The following ADAMTSL1 variants were observed in gnomAD, a reference collection of about 807,000 sequenced individuals.
The protein encoded by ADAMTSL1 is ADAMTS-like protein 1.
ADAMTSL1 carries 126 observed loss-of-function variants against 201.8 expected under a neutral mutation model. That is an observed-to-expected ratio of 0.62 (90% CI 0.54 to 0.72). ADAMTSL1 has a LOEUF of 0.72. Ranked by LOEUF, ADAMTSL1 falls within the 30% of genes least tolerant of loss-of-function variation. The pLI is 0.00. For missense variants in ADAMTSL1, 2,679 were observed against 2,277.8 expected (o/e 1.18, Z -3.59); for synonymous variants, 1,121 against 903.4 (o/e 1.24, Z -4.32).
chr9:18,893,353 G>T (rs537664973), intron 26 of ADAMTSL1, among the ~76,000 whole-genome samples: 1 of 152,210 alleles, frequency 6.6e-6, no homozygotes, highest in African/African-American at 2.4e-5. Context: ...ACTCAAGGAG[G>T]GACGTATGGT....
At chr9:18,055,738 T>C (rs1464410216) in intron 1 of ADAMTSL1, among the ~76,000 whole-genome samples, 1 of 152,228 alleles carries the variant, frequency 6.6e-6, no homozygotes, top group Non-Finnish European at 1.5e-5. Context: ...CAGTTTAGGA[T>C]ATTTATGATA....
At chr9:18,131,952 G>A (rs748656128) in intron 1 of ADAMTSL1, among the ~76,000 whole-genome samples, 8 of 152,140 alleles carry the variant, frequency 5.3e-5, no homozygotes, top group Non-Finnish European at 8.8e-5. Context: ...CAGGAAGAAA[G>A]TGAAATACTT....
chr9:18,203,082 C>A (rs1563805272), intron 2 of ADAMTSL1, among the ~76,000 whole-genome samples: 1 of 152,062 alleles, frequency 6.6e-6, no homozygotes, highest in Non-Finnish European at 1.5e-5. Context: ...CAGGTTATAC[C>A]CAAGTTCAGA....
At chr9:18,289,176 C>T (rs200308319) in intron 2 of ADAMTSL1, among the ~76,000 whole-genome samples, 73 of 43,204 alleles carry the variant, frequency 1.7e-3, no homozygotes, top group African/African-American at 4.0e-3. Context: ...TATCTATCTA[C>T]CTACCTATCT....
rs540724792 is a variant in ADAMTSL1, at chr9:18,304,391, G to A, written c.207+140410G>A. On this transcript the variant is annotated intron_variant, in intron 2 of 29. Transcript: ENST00000680146. ...AAAACCTTGTGAGCTCCTGGGTGTC[G>A]GAAATGTTTATTTTAATTCCACTGT... 2.1e-4 allele frequency among the ~76,000 whole-genome samples: 32 copies of A among 151,786 alleles called. 1 individual carries two copies. Among genetic ancestry groups the A allele is most frequent in the Non-Finnish European group, 3.8e-4 (26 of 67,968 alleles).
Position 17,985,021 on chromosome 9 carries a change from A to C in ADAMTSL1, c.87+78099A>C, listed in dbSNP as rs372912319. Among the ~76,000 whole-genome samples, 498 of 152,274 alleles carry C rather than the reference A, an allele frequency of 3.3e-3. 3 individuals carry two copies. Among genetic ancestry groups the C allele is most frequent in the Non-Finnish European group, 2.9e-3 (198 of 67,978 alleles). ...AGCAGAATAGTGCCTAACATGTAGG[A>C]AGACCTCTGTAGGTAATTGTTTTCT... On this transcript the variant is annotated intron_variant, in intron 1 of 29. Transcript: ENST00000680146.
intron 3 of ADAMTSL1, among the ~76,000 whole-genome samples, chr9:18,559,693 G>T (rs960137977): frequency 7.9e-5 from 12 of 152,116 alleles, no homozygotes; most frequent in African/African-American, 2.9e-4. Context: ...TTGAGCAGTG[G>T]TTTGTAGTTC....
At chr9:18,013,527 A>G (rs1264617470) in intron 1 of ADAMTSL1, among the ~76,000 whole-genome samples, 1 of 152,078 alleles carries the variant, frequency 6.6e-6, no homozygotes, top group Non-Finnish European at 1.5e-5. Flanking sequence ...TAAATAGCCA[A>G]TTCAAAAACC....
intron 2 of ADAMTSL1, among the ~76,000 whole-genome samples, chr9:18,338,303 A>G (rs976350569): frequency 4.6e-5 from 7 of 152,066 alleles, no homozygotes; most frequent in Non-Finnish European, 8.8e-5. Context: ...AATTTCCCAC[A>G]TGAGCATCCA....
At chr9:18,806,949 G>A (rs1422980392) in intron 20 of ADAMTSL1, among the ~76,000 whole-genome samples, 7 of 124,914 alleles carry the variant, frequency 5.6e-5, no homozygotes, top group Admixed American at 3.0e-4. Flanking sequence ...AGCTGCCCTC[G>A]TTTACTGTGA....
At chr9:18,890,727 C>CG (rs1002317315) in intron 25 of ADAMTSL1, 5 of 362,470 alleles carry the variant, frequency 1.4e-5, no homozygotes, top group African/African-American at 8.5e-5. Context: ...TCAAACCCCC[C>CG]CCACCCCAGC....
chr9:18,063,429 G>A (rs2131706652), intron 1 of ADAMTSL1, among the ~76,000 whole-genome samples: 1 of 152,304 alleles, frequency 6.6e-6, no homozygotes, highest in East Asian at 1.9e-4. Context: ...AAACCAAGAG[G>A]AAAATACTGT....
At chr9:18,477,591 T>C (rs1821516450) in intron 1 of ADAMTSL1, among the ~76,000 whole-genome samples, 1 of 152,252 alleles carries the variant, frequency 6.6e-6, no homozygotes, top group Non-Finnish European at 1.5e-5. Flanking sequence ...TTCATGTGCA[T>C]GCACAAGCAC....
intron 1 of ADAMTSL1, among the ~76,000 whole-genome samples, chr9:18,159,669 A>T (rs1827303210): frequency 6.6e-6 from 1 of 152,004 alleles, no homozygotes; most frequent in Non-Finnish European, 1.5e-5. Context: ...GAAGTAGGAA[A>T]ATTGGAGGGG....
chr9:18,295,766 G>GA (rs1259823185), intron 2 of ADAMTSL1, among the ~76,000 whole-genome samples: 1 of 152,070 alleles, frequency 6.6e-6, no homozygotes, highest in Non-Finnish European at 1.5e-5. Flanking sequence ...CTCCAAGCAT[G>GA]GATTGACCTT....
intron 2 of ADAMTSL1, among the ~76,000 whole-genome samples, chr9:18,164,746 A>T (rs529459239): frequency 6.6e-6 from 1 of 151,914 alleles, no homozygotes; most frequent in East Asian, 2.0e-4. Flanking sequence ...AACATCTTAG[A>T]ATACCCCCAA....
chr9:18,652,643 T>C (rs1828367316), intron 7 of ADAMTSL1, among the ~76,000 whole-genome samples: 3 of 152,232 alleles, frequency 2.0e-5, no homozygotes, highest in Admixed American at 6.5e-5. Context: ...TAGATGATTT[T>C]GCCCAATTGT....
At chr9:17,956,655 T>C (rs140719882) in intron 1 of ADAMTSL1, among the ~76,000 whole-genome samples, 1 of 152,304 alleles carries the variant, frequency 6.6e-6, no homozygotes, top group Non-Finnish European at 1.5e-5. Flanking sequence ...TCTCTGTATG[T>C]AGCATTATTT....
At chr9:18,646,622 G>A (rs1827828651) in intron 7 of ADAMTSL1, among the ~76,000 whole-genome samples, 1 of 147,466 alleles carries the variant, frequency 6.8e-6, no homozygotes, top group African/African-American at 2.5e-5. Context: ...TTTGTCAAAG[G>A]CCTTTTCTGC....
Sources: allele counts gnomAD v4.1 joint callset (sites outside exome capture counted in the v4.1 genomes callset), GRCh38; gene constraint gnomAD v4.1.1; transcripts MANE v1.5; gene names NCBI Gene and HGNC (gene_info 2026-07-23, HGNC 2026-07-21).